CTNNA3: variants seen among roughly 807,000 people sequenced by gnomAD.
CTNNA3 encodes catenin alpha-3.
CTNNA3 carries 76 observed loss-of-function variants against 95.7 expected under a neutral mutation model. That is an observed-to-expected ratio of 0.79 (90% confidence interval 0.66 to 0.96). The LOEUF is 0.96. CTNNA3 is among the 40% of genes least tolerant of loss of function. CTNNA3 has a pLI of 0.00. For missense variants in CTNNA3, 1,191 were observed against 1,089.8 expected, an observed-to-expected ratio of 1.09 and a Z score of -1.31; for synonymous variants, 431 against 374.4, an observed-to-expected ratio of 1.15 and a Z score of -1.74.
At position 67,347,872 on chromosome 10, in the gene CTNNA3, G is replaced by C. The variant is rs186336560; in HGVS notation, c.580-128002C>G. On this transcript the variant is annotated intron_variant, in intron 5 of 17. Transcript: ENST00000433211. ...AACACAAAAACCAAATACAATGGAG[G>C]CTTCTCTTCCACATTCTGTGGCATT... Among the ~76,000 whole-genome samples the C allele has an allele frequency of 1.9e-3, 282 of 149,256 alleles. 2 individuals carry two copies. Among genetic ancestry groups the C allele is most frequent in the African/African-American group, 6.7e-3 (272 of 40,828 alleles).
intron 7 of CTNNA3, among the ~76,000 whole-genome samples, chr10:66,933,796 A>C (rs2132651259): frequency 6.6e-6 from 1 of 152,342 alleles, no homozygotes; most frequent in South Asian, 2.1e-4. Flanking sequence ...AATTCATCAA[A>C]GAATGACAAA....
intron 7 of CTNNA3, among the ~76,000 whole-genome samples, chr10:67,152,737 T>TA (rs1861138272): frequency 6.6e-6 from 1 of 152,160 alleles, no homozygotes; most frequent in Non-Finnish European, 1.5e-5. Flanking sequence ...TAGCTTCTAC[T>TA]TGTTATACTT....
intron 11 of CTNNA3, among the ~76,000 whole-genome samples, chr10:66,500,541 C>T (rs1840245347): frequency 6.6e-6 from 1 of 152,134 alleles, no homozygotes; most frequent in Non-Finnish European, 1.5e-5. Flanking sequence ...CTGAATATCT[C>T]TACCTTCATG....
intron 17 of CTNNA3, among the ~76,000 whole-genome samples, chr10:65,927,696 A>G (rs962186309): frequency 1.3e-5 from 2 of 152,286 alleles, no homozygotes; most frequent in Admixed American, 1.3e-4. Flanking sequence ...TTAATTCATT[A>G]TCTTTGTGAC....
chr10:66,628,516 C>T (rs1173471004), intron 9 of CTNNA3, among the ~76,000 whole-genome samples: 2 of 152,002 alleles, frequency 1.3e-5, no homozygotes, highest in African/African-American at 4.8e-5. Context: ...AAATCTGTAG[C>T]AAAGATACAA....
chr10:67,330,620 T>C (rs536165725), intron 5 of CTNNA3, among the ~76,000 whole-genome samples: 2 of 152,096 alleles, frequency 1.3e-5, no homozygotes, highest in South Asian at 4.2e-4. Flanking sequence ...ACCACTACAG[T>C]TTTCATGGTG....
At chr10:66,132,953 G>T (rs1462038928) in intron 13 of CTNNA3, among the ~76,000 whole-genome samples, 1 of 152,046 alleles carries the variant, frequency 6.6e-6, no homozygotes, top group Non-Finnish European at 1.5e-5. Flanking sequence ...TTGGTTACTT[G>T]TCTTAGTACC....
At chr10:66,613,018 A>G (rs1002055696) in intron 10 of CTNNA3, among the ~76,000 whole-genome samples, 1 of 152,064 alleles carries the variant, frequency 6.6e-6, no homozygotes, top group African/African-American at 2.4e-5. Flanking sequence ...GACTAGAAGA[A>G]CATTGTACAG....
chr10:67,442,713 C>A (rs974768208), intron 5 of CTNNA3, among the ~76,000 whole-genome samples: 8 of 151,638 alleles, frequency 5.3e-5, no homozygotes, highest in Admixed American at 5.3e-4. Flanking sequence ...GATAGAGCAC[C>A]CAGATATATA....
intron 7 of CTNNA3, among the ~76,000 whole-genome samples, chr10:66,943,873 T>C (rs1252457087): frequency 6.6e-6 from 1 of 152,180 alleles, no homozygotes; most frequent in Non-Finnish European, 1.5e-5. Flanking sequence ...AAAGAAACAA[T>C]GTGCTTATAA....
At chr10:67,268,506 C>T (rs914921720) in intron 5 of CTNNA3, among the ~76,000 whole-genome samples, 2 of 151,956 alleles carry the variant, frequency 1.3e-5, no homozygotes, top group African/African-American at 4.8e-5. Context: ...AAAGGGAGAC[C>T]CAGCCTCTGA....
At chr10:66,545,701 A>G (rs1289804626) in intron 10 of CTNNA3, among the ~76,000 whole-genome samples, 2 of 151,968 alleles carry the variant, frequency 1.3e-5, no homozygotes, top group African/African-American at 2.4e-5. Context: ...GATATTGTCA[A>G]TCTTTTAAAT....
chr10:66,101,255 T>C (rs2081617810), intron 14 of CTNNA3, among the ~76,000 whole-genome samples: 1 of 152,162 alleles, frequency 6.6e-6, no homozygotes, highest in Non-Finnish European at 1.5e-5. Flanking sequence ...TCAACACAAA[T>C]TGGCTAGTAG....
chr10:67,095,257 C>A (rs1210877973), intron 7 of CTNNA3, among the ~76,000 whole-genome samples: 1 of 151,566 alleles, frequency 6.6e-6, no homozygotes, highest in African/African-American at 2.4e-5. Context: ...CTTTAAAATG[C>A]ACTCTCAATT....
At chr10:67,456,669 C>T (rs1429223151) in intron 5 of CTNNA3, among the ~76,000 whole-genome samples, 1 of 152,026 alleles carries the variant, frequency 6.6e-6, no homozygotes, top group East Asian at 1.9e-4. Context: ...AGTCTAATTC[C>T]TTAATTGACT....
intron 5 of CTNNA3, among the ~76,000 whole-genome samples, chr10:67,495,986 A>C (rs1370188081): frequency 6.6e-6 from 1 of 152,180 alleles, no homozygotes; most frequent in African/African-American, 2.4e-5. Context: ...ATAATTCATA[A>C]ATGAATATTC....
chr10:65,980,055 T>C (rs759969536), intron 16 of CTNNA3, among the ~76,000 whole-genome samples: 1 of 151,384 alleles, frequency 6.6e-6, no homozygotes, highest in Non-Finnish European at 1.5e-5. Context: ...TTTGAAAAAA[T>C]AAATAAAATC....
At chr10:67,640,668 T>C (rs1839498145) in intron 2 of CTNNA3, among the ~76,000 whole-genome samples, 1 of 152,100 alleles carries the variant, frequency 6.6e-6, no homozygotes, top group East Asian at 1.9e-4. Flanking sequence ...TATCGACCAA[T>C]GGAACAGAAC....
At chr10:66,044,574 AT>A (rs1226702937) in intron 15 of CTNNA3, among the ~76,000 whole-genome samples, 3 of 152,036 alleles carry the variant, frequency 2.0e-5, no homozygotes, top group Non-Finnish European at 4.4e-5. Context: ...TATGATGACT[AT>A]TCTATGCTGT....
Sources: allele counts gnomAD v4.1 joint callset (sites outside exome capture counted in the v4.1 genomes callset), GRCh38; gene constraint gnomAD v4.1.1; transcripts MANE v1.5; gene names NCBI Gene and HGNC (gene_info 2026-07-23, HGNC 2026-07-21).